The following RBFOX1 variants were observed in gnomAD, a reference collection of about 807,000 sequenced individuals.
RBFOX1 encodes RNA binding protein fox-1 homolog 1.
Under a neutral mutation model 57.7 loss-of-function variants are expected in RBFOX1, and 8 were observed. That is an observed-to-expected ratio of 0.14 (90% CI 0.08 to 0.25). The LOEUF is 0.25. Among genes scored for constraint, RBFOX1 ranks in the 10% least tolerant of loss-of-function variants. The pLI is 1.00. For missense variants in RBFOX1, 611 were observed against 548.5 expected, an observed-to-expected ratio of 1.11 and a Z score of -1.14; for synonymous variants, 326 against 222.4, an observed-to-expected ratio of 1.47 and a Z score of -4.15.
intron 4 of RBFOX1, among the ~76,000 whole-genome samples, chr16:7,257,878 T>G (rs1424844793): frequency 1.3e-5 from 2 of 152,204 alleles, no homozygotes; most frequent in Non-Finnish European, 2.9e-5. Flanking sequence ...TGTTACTCTT[T>G]GGGCAGGGAA....
chr16:6,860,038 G>A (rs761402463), intron 3 of RBFOX1, among the ~76,000 whole-genome samples: 29 of 152,172 alleles, frequency 1.9e-4, no homozygotes, highest in Non-Finnish European at 3.2e-4. Flanking sequence ...GGTACCTGAT[G>A]GAACGAGCTA....
At chr16:6,963,921 A>G (rs1455077746) in intron 3 of RBFOX1, among the ~76,000 whole-genome samples, 2 of 151,976 alleles carry the variant, frequency 1.3e-5, no homozygotes, top group Admixed American at 6.6e-5. Context: ...GACGGTGTCG[A>G]TCTCCTGACA....
intron 2 of RBFOX1, among the ~76,000 whole-genome samples, chr16:6,651,481 C>A (rs1480679468): frequency 6.6e-6 from 1 of 152,182 alleles, no homozygotes. Context: ...AAATTTGTAA[C>A]CCCTGACTGC....
At chr16:7,460,605 T>C (rs2059408769) in intron 4 of RBFOX1, among the ~76,000 whole-genome samples, 1 of 149,976 alleles carries the variant, frequency 6.7e-6, no homozygotes, top group African/African-American at 2.5e-5. Context: ...CAAGAAAAAA[T>C]AACTATGGGT....
chr16:5,847,709 C>T (rs1238246535), intron 3 of RBFOX1, among the ~76,000 whole-genome samples: 1 of 152,080 alleles, frequency 6.6e-6, no homozygotes, highest in Non-Finnish European at 1.5e-5. Flanking sequence ...CCAAGCCTTC[C>T]AGTTGTGTGG....
At chr16:5,390,166 G>A (rs563698428) in intron 1 of RBFOX1, among the ~76,000 whole-genome samples, 1 of 151,904 alleles carries the variant, frequency 6.6e-6, no homozygotes, top group African/African-American at 2.4e-5. Context: ...ATTTGCTCTT[G>A]ACAACTTTTA....
At chr16:5,394,089 T>G (rs1211045405) in intron 1 of RBFOX1, among the ~76,000 whole-genome samples, 1 of 152,156 alleles carries the variant, frequency 6.6e-6, no homozygotes, top group Non-Finnish European at 1.5e-5. Context: ...AGTGCTGTGA[T>G]CTCAGCTCAC....
At chr16:6,835,046 C>G (rs138329436) in intron 3 of RBFOX1, among the ~76,000 whole-genome samples, 3,182 of 152,172 alleles carry the variant, frequency 0.021, 105 homozygotes, top group African/African-American at 0.072. Flanking sequence ...GCGCCCAACA[C>G]CATGCCCCGG....
chr16:7,223,611 C>G (rs936115850), intron 4 of RBFOX1, among the ~76,000 whole-genome samples: 2 of 150,652 alleles, frequency 1.3e-5, no homozygotes, highest in African/African-American at 2.4e-5. Flanking sequence ...TTAACTGCCT[C>G]TTGATGCTTT....
chr16:5,555,236 C>T (rs2045624104), intron 2 of RBFOX1, among the ~76,000 whole-genome samples: 1 of 151,970 alleles, frequency 6.6e-6, no homozygotes, highest in African/African-American at 2.4e-5. Flanking sequence ...GCGGTTTTTG[C>T]AATTACTTTT....
intron 2 of RBFOX1, among the ~76,000 whole-genome samples, chr16:6,599,548 G>C (rs1313677525): frequency 1.3e-5 from 2 of 152,180 alleles, no homozygotes; most frequent in Non-Finnish European, 2.9e-5. Flanking sequence ...CAGTTCTCAA[G>C]CCAGTAACAA....
intron 3 of RBFOX1, among the ~76,000 whole-genome samples, chr16:6,663,215 C>G (rs1350092908): frequency 1.3e-5 from 2 of 152,126 alleles, no homozygotes; most frequent in Admixed American, 1.3e-4. Flanking sequence ...ATCCACATGA[C>G]TTACTGACAA....
chr16:5,910,577 G>T lies in RBFOX1; in HGVS notation c.351+43242G>T, dbSNP rs373698999. ...TATTGGAGTGGAGGAAGGTGTGAGG[G>T]TTGAGCTGGGTGCAGGGCTAGCAGA... On this transcript the variant is annotated intron_variant, in intron 4 of 19. Transcript: ENST00000641259. Among the ~76,000 whole-genome samples the T allele has an allele frequency of 1.5e-4, 23 of 152,298 alleles. 1 individual carries two copies. Among genetic ancestry groups the T allele is most frequent in the African/African-American group, 4.1e-4 (17 of 41,562 alleles).
intron 3 of RBFOX1, among the ~76,000 whole-genome samples, chr16:6,731,374 T>C (rs1360528789): frequency 6.6e-6 from 1 of 152,112 alleles, no homozygotes; most frequent in Non-Finnish European, 1.5e-5. Context: ...CGACTATACT[T>C]TAGAAACAGG....
chr16:7,173,696 G>C (rs566710935), intron 4 of RBFOX1, among the ~76,000 whole-genome samples: 29 of 152,272 alleles, frequency 1.9e-4, no homozygotes, highest in African/African-American at 5.8e-4. Context: ...AACACATTTA[G>C]GATGTTTTTT....
chr16:6,421,395 A>G (rs1189502856), intron 2 of RBFOX1, among the ~76,000 whole-genome samples: 2 of 152,236 alleles, frequency 1.3e-5, no homozygotes, highest in Admixed American at 6.5e-5. Context: ...ACGTTTGCAC[A>G]TCTGAGGACC....
At chr16:7,352,316 T>A (rs2146031895) in intron 4 of RBFOX1, among the ~76,000 whole-genome samples, 1 of 152,268 alleles carries the variant, frequency 6.6e-6, no homozygotes, top group East Asian at 1.9e-4. Context: ...GCCCTGTCCT[T>A]CCACTCTGGG....
At chr16:6,605,851 G>C (rs2097918092) in intron 2 of RBFOX1, among the ~76,000 whole-genome samples, 1 of 152,158 alleles carries the variant, frequency 6.6e-6, no homozygotes, top group East Asian at 1.9e-4. Flanking sequence ...TGTAATCCCA[G>C]CACTCTAGGA....
chr16:7,225,341 C>A (rs1296480788), intron 4 of RBFOX1, among the ~76,000 whole-genome samples: 1 of 152,082 alleles, frequency 6.6e-6, no homozygotes, highest in Non-Finnish European at 1.5e-5. Flanking sequence ...TTTCCCCATA[C>A]TGTCCTCATG....
Sources: allele counts gnomAD v4.1 joint callset (sites outside exome capture counted in the v4.1 genomes callset), GRCh38; gene constraint gnomAD v4.1.1; transcripts MANE v1.5; gene names NCBI Gene and HGNC (gene_info 2026-07-23, HGNC 2026-07-21).